Variants in NCKAP1L observed in about 807,000 individuals in gnomAD.
NCKAP1L encodes the protein NCK associated protein 1 like.
NCKAP1L carries 53 observed loss-of-function variants against 139.2 expected under a neutral mutation model. That is an observed-to-expected ratio of 0.38 (90% CI 0.31 to 0.48). NCKAP1L has a LOEUF of 0.48. NCKAP1L is among the 20% of genes least tolerant of loss of function. NCKAP1L has a pLI of 0.98. For synonymous variants in NCKAP1L, 468 were observed against 499.7 expected (o/e 0.94, Z 0.85); for missense variants, 1,151 against 1,381.9 (o/e 0.83, Z 2.65).
At chr12:54,540,483 T>C (rs892282862) in intron 30 of NCKAP1L, among the ~76,000 whole-genome samples, 1 of 152,130 alleles carries the variant, frequency 6.6e-6, no homozygotes, top group Non-Finnish European at 1.5e-5. Flanking sequence ...GCACAATACA[T>C]AGAGCAGCAG....
chr12:54,509,992 GC>G lies in NCKAP1L; in HGVS notation c.735+10del. ...CCCTGCTAATTCAGATACAGTGAGTGCCCTTTTCCTTTTGTTAGTGGAAGCA... is the reference window on the plus strand; with the variant it reads ...CCCTGCTAATTCAGATACAGTGAGTGCCTTTTCCTTTTGTTAGTGGAAGCA... On this transcript the variant is annotated splice_region_variant and intron_variant, in intron 7 of 30. Coordinates refer to ENST00000293373, the MANE Select transcript of NCKAP1L (RefSeq NM_005337.5). 1 of 1,613,922 alleles carries G rather than the reference GC, an allele frequency of 6.2e-7. No individual in the cohort carries two copies. The highest frequency in any genetic ancestry group is 1.3e-5 in the African/African-American group (1 of 75,030).
rs553251966 is a variant in NCKAP1L, at chr12:54,523,513, C to T, written c.1998C>T (p.His666=). The part of the protein sequence containing the change: ...PERDKPGAES[H]RKNRSIVTNM... ...GGGACAAGCCAGGAGCTGAGAGTCA[C>T]CGGAAGAACCGCAGCATTGTCACCA... The change falls in exon 19 of 31, where the codon CAC becomes CAT. Residue 666 remains histidine (H), a synonymous_variant. Transcript: ENST00000293373. The T allele has an allele frequency of 1.2e-6, 2 of 1,613,804 alleles. No individual in the cohort carries two copies. Among genetic ancestry groups the T allele is most frequent in the East Asian group, 2.2e-5 (1 of 44,876 alleles).
At chr12:54,511,208 A>C (rs1244946956) in intron 7 of NCKAP1L, among the ~76,000 whole-genome samples, 1 of 152,210 alleles carries the variant, frequency 6.6e-6, no homozygotes, top group African/African-American at 2.4e-5. Context: ...TTGTTATTAA[A>C]AATATCTGAA....
Position 54,506,794 on chromosome 12 carries a change from AAAATAT to A in NCKAP1L, c.307-1057_307-1052del, listed in dbSNP as rs1393483122. ...TCTTTTGGCAACATATTAAAAAAAA[AAAATAT>A]ATATATATATATATATATATATATT... On this transcript the variant is annotated intron_variant, in intron 3 of 30. Coordinates refer to ENST00000293373, the MANE Select transcript of NCKAP1L (RefSeq NM_005337.5). Among the ~76,000 whole-genome samples the A allele has an allele frequency of 5.9e-3, 140 of 23,758 alleles. 2 individuals carry two copies. In the Middle Eastern group the frequency reaches 0.076, roughly 13 times the overall value. The allele number at this position is 23,758 out of a possible 152,430, so 15.6% of individuals were successfully genotyped here. A position where few individuals can be genotyped will look rare whatever the true frequency, so the allele number is the denominator to read the frequency against.
At chr12:54,526,777 T>A (rs1293770128) in intron 21 of NCKAP1L, 31 bp downstream of exon 21, 21 of 1,581,996 alleles carry the variant, frequency 1.3e-5, no homozygotes, top group Non-Finnish European at 1.8e-5. Flanking sequence ...TCCACTGCCT[T>A]ACTTTGTGTT....
intron 18 of NCKAP1L, among the ~76,000 whole-genome samples, chr12:54,523,046 G>T (rs1203222884): frequency 1.3e-5 from 2 of 152,162 alleles, no homozygotes; most frequent in Non-Finnish European, 2.9e-5. Flanking sequence ...GGAAGACCCT[G>T]CAAAGCACAA....
intron 28 of NCKAP1L, 36 bp from the exon 29 acceptor site, chr12:54,536,908 T>C (rs1244037689): frequency 6.8e-7 from 1 of 1,465,680 alleles, no homozygotes; most frequent in Non-Finnish European, 9.5e-7. Context: ...TGTCATTTCC[T>C]CTTTTTTCTC....
At chr12:54,510,843 G>A (rs948963905) in intron 7 of NCKAP1L, among the ~76,000 whole-genome samples, 2 of 150,686 alleles carry the variant, frequency 1.3e-5, no homozygotes, top group African/African-American at 2.4e-5. Flanking sequence ...TTGTAGAGAC[G>A]AGGTATCACT....
Position 54,517,870 on chromosome 12 carries a change from G to A in NCKAP1L, c.1270G>A (p.Val424Met). ...GTCTCTGGTCCGAAGACACATCAAA[G>A]TGATACAGCAATACCACCTTCAGTA... ...IRSLVRRHIK[V>M]IQQYHLQYLA... Residue 424 changes from valine to methionine, a missense_variant, in exon 13 of 31, where the codon GTG becomes ATG. Val to Met is a conservative substitution (Grantham distance 21). Coordinates refer to ENST00000293373, the MANE Select transcript of NCKAP1L (RefSeq NM_005337.5). 6.2e-7 allele frequency: 1 copy of A among 1,614,208 alleles called. No individual in the cohort carries two copies. Among genetic ancestry groups the A allele is most frequent in the Non-Finnish European group, 8.5e-7 (1 of 1,180,036 alleles).
intron 21 of NCKAP1L, 52 bp from the exon 22 acceptor site, chr12:54,528,195 G>A: frequency 3.8e-6 from 6 of 1,592,908 alleles, no homozygotes; most frequent in Admixed American, 1.7e-5. Flanking sequence ...GGGAATGCTG[G>A]TAGGGAGAAG....
chr12:54,500,689 T>C (rs1224024184), intron 3 of NCKAP1L, 64 bp downstream of exon 3: 1 of 1,028,466 alleles, frequency 9.7e-7, no homozygotes, highest in Non-Finnish European at 1.5e-6. Flanking sequence ...TTTCTTTAGA[T>C]GTTCATGTAT....
At chr12:54,528,837 A>G (rs943529369) in intron 22 of NCKAP1L, among the ~76,000 whole-genome samples, 2 of 151,914 alleles carry the variant, frequency 1.3e-5, no homozygotes, top group African/African-American at 4.8e-5. Flanking sequence ...GGGTTTCACC[A>G]TGTTAGCCAG....
rs767122569 is a variant in NCKAP1L at position 54,519,208 on chromosome 12, G to T, written c.1501G>T (p.Ala501Ser). Residue 501 changes from alanine to serine, a missense_variant, in exon 16 of 31, where the codon GCC becomes TCC. Transcript: ENST00000293373. ...RLQAYTSVAK[A>S]PLHLHENPDL... ...GCAGGCATACACTAGCGTGGCTAAGGCCCCTCTGCACCTGCATGAGAACCC... is the reference window on the plus strand; with the variant it reads ...GCAGGCATACACTAGCGTGGCTAAGTCCCCTCTGCACCTGCATGAGAACCC... The T allele has an allele frequency of 6.4e-7, 1 of 1,569,268 alleles. No individual in the cohort carries two copies. Among genetic ancestry groups the T allele is most frequent in the Non-Finnish European group, 8.6e-7 (1 of 1,165,524 alleles).
intron 1 of NCKAP1L, among the ~76,000 whole-genome samples, chr12:54,498,340 TAGATTAA>T (rs1956767096): frequency 6.6e-6 from 1 of 151,930 alleles, no homozygotes; most frequent in South Asian, 2.1e-4. Context: ...ATTAGGTATT[TAGATTAA>T]AAAGGGTAGG....
intron 18 of NCKAP1L, among the ~76,000 whole-genome samples, 175 bp from the exon 19 acceptor site, chr12:54,523,219 G>A (rs1275555505): frequency 1.3e-5 from 2 of 152,166 alleles, no homozygotes; most frequent in Admixed American, 6.5e-5. Context: ...AACTGAAAGA[G>A]GTGAGCACAT....
chr12:54,512,767 T>C (rs1956898617), intron 9 of NCKAP1L, among the ~76,000 whole-genome samples: 1 of 5,504 alleles, frequency 1.8e-4, no homozygotes, highest in African/African-American at 3.3e-3. Flanking sequence ...TGTGTGTATG[T>C]GTGTGTGTGT....
chr12:54,539,402 G>T (rs1249544252), intron 30 of NCKAP1L, among the ~76,000 whole-genome samples: 1 of 152,232 alleles, frequency 6.6e-6, no homozygotes, highest in Non-Finnish European at 1.5e-5. Context: ...GAGGTTGAGG[G>T]GTGGGGGCTC....
At chr12:54,501,174 A>G (rs1311009767) in intron 3 of NCKAP1L, among the ~76,000 whole-genome samples, 1 of 152,132 alleles carries the variant, frequency 6.6e-6, no homozygotes, top group Non-Finnish European at 1.5e-5. Context: ...GATTTTGACT[A>G]TTCTAAGTAC....
rs371508749 is a variant in NCKAP1L at position 54,523,826 on chromosome 12, A to G, written c.2026A>G (p.Met676Val). The change falls in exon 20 of 31, where the codon ATG (methionine) becomes GTG (valine). Residue 676 changes from methionine to valine, a missense_variant and splice_region_variant. Transcript: ENST00000293373. ...HRKNRSIVTN[M>V]DKLHLNLTEL... ...ATCCAGGCTCATTTTCCTTTCTAGC[A>G]TGGACAAGCTACACCTAAACTTGAC... The G allele has an allele frequency of 4.5e-5, 72 of 1,613,250 alleles. No homozygotes were observed. In the African/African-American group the frequency reaches 5.9e-4, roughly 13 times the overall value.
Sources: gnomAD v4.1 joint callset for allele counts (sites outside exome capture counted in the v4.1 genomes callset) on GRCh38, gnomAD v4.1.1 for gene constraint, MANE v1.5 for transcripts, NCBI Gene and HGNC (gene_info 2026-07-23, HGNC 2026-07-21) for gene names.